CFAP299: variants seen among roughly 807,000 people sequenced by gnomAD.
CFAP299 encodes cilia- and flagella-associated protein 299.
CFAP299 carries 21 observed loss-of-function variants against 27.0 expected under a neutral mutation model. The ratio of observed to expected loss-of-function variants is 0.78; its 90% CI spans 0.55 to 1.12. The LOEUF (loss-of-function observed/expected upper bound fraction) is 1.12, where lower values mean the gene tolerates loss of function less well. Ranked by LOEUF, CFAP299 falls within the 50% of genes most tolerant of loss-of-function variation. CFAP299 has a pLI of 0.00. For synonymous variants in CFAP299, 104 were observed against 98.1 expected (o/e 1.06, Z -0.36); for missense variants, 310 against 276.6 (o/e 1.12, Z -0.86).
Position 80,920,726 on chromosome 4 carries a change from G to A in CFAP299, c.477-24084G>A, listed in dbSNP as rs577090281. ...CAGTGACCACTTCCTGCAACTGGAA[G>A]GGGTAAGCTCTGGTCTCTGTTTCTA... On this transcript the variant is annotated intron_variant, in intron 4 of 5. Coordinates refer to ENST00000358105, the MANE Select transcript of CFAP299 (RefSeq NM_152770.3). 2.1e-4 allele frequency among the ~76,000 whole-genome samples: 32 copies of A among 152,228 alleles called. 1 individual carries two copies. The South Asian group carries it at 5.0e-3, about 24-fold the overall frequency.
At chr4:80,416,390 G>C (rs924336837) in intron 2 of CFAP299, among the ~76,000 whole-genome samples, 1 of 151,984 alleles carries the variant, frequency 6.6e-6, no homozygotes, top group African/African-American at 2.4e-5. Flanking sequence ...AAGACCTACT[G>C]TCCTCTCCTC....
At chr4:80,921,549 G>C (rs2110211297) in intron 4 of CFAP299, among the ~76,000 whole-genome samples, 1 of 152,174 alleles carries the variant, frequency 6.6e-6, no homozygotes, top group East Asian at 1.9e-4. Context: ...CAGTAGTTCA[G>C]GGTTGCTTTA....
intron 4 of CFAP299, among the ~76,000 whole-genome samples, chr4:80,941,036 G>T (rs1479879843): frequency 1.3e-5 from 2 of 152,098 alleles, no homozygotes; most frequent in Admixed American, 1.3e-4. Context: ...GAATACCCAA[G>T]TCCTTGATAT....
At chr4:80,420,186 G>A (rs1484765870) in intron 2 of CFAP299, 1 of 455,892 alleles carries the variant, frequency 2.2e-6, no homozygotes, top group Non-Finnish European at 4.4e-6. Flanking sequence ...GGGAATAGAT[G>A]GTAAATGTTT....
intron 2 of CFAP299, among the ~76,000 whole-genome samples, chr4:80,443,569 A>G (rs2110088984): frequency 6.6e-6 from 1 of 152,332 alleles, no homozygotes; most frequent in African/African-American, 2.4e-5. Context: ...CCCACAGCCA[A>G]TATCATACTG....
At chr4:80,877,409 T>C (rs1322597130) in intron 4 of CFAP299, among the ~76,000 whole-genome samples, 1 of 152,122 alleles carries the variant, frequency 6.6e-6, no homozygotes, top group Non-Finnish European at 1.5e-5. Flanking sequence ...CTTACTAGAG[T>C]ATCTGTCTGT....
chr4:80,920,514 T>C (rs1472742572), intron 4 of CFAP299, among the ~76,000 whole-genome samples: 6 of 152,286 alleles, frequency 3.9e-5, no homozygotes, highest in Non-Finnish European at 8.8e-5. Flanking sequence ...TGCTCTTTCG[T>C]CTTCTAATTC....
chr4:80,447,237 G>A (rs1728681438), intron 2 of CFAP299, among the ~76,000 whole-genome samples: 2 of 137,484 alleles, frequency 1.5e-5, no homozygotes, highest in African/African-American at 2.7e-5. Context: ...CCGGGTTCAC[G>A]CCATTCTCCT....
chr4:80,798,622 A>G (rs1042484361), intron 3 of CFAP299, among the ~76,000 whole-genome samples: 2 of 152,034 alleles, frequency 1.3e-5, no homozygotes, highest in Non-Finnish European at 2.9e-5. Flanking sequence ...TCTACAGGAG[A>G]TAAGATTCCA....
chr4:80,507,748 T>C (rs1234301146), intron 2 of CFAP299, among the ~76,000 whole-genome samples: 1 of 152,140 alleles, frequency 6.6e-6, no homozygotes, highest in Non-Finnish European at 1.5e-5. Flanking sequence ...TCTTACACCC[T>C]GAATACACTA....
At chr4:80,354,507 G>A (rs1723164633) in intron 1 of CFAP299, among the ~76,000 whole-genome samples, 1 of 151,980 alleles carries the variant, frequency 6.6e-6, no homozygotes, top group Admixed American at 6.6e-5. Flanking sequence ...GATTTTTAAA[G>A]CATATATATG....
chr4:80,495,623 C>T (rs548523385), intron 2 of CFAP299, among the ~76,000 whole-genome samples: 2 of 152,140 alleles, frequency 1.3e-5, no homozygotes, highest in Admixed American at 1.3e-4. Flanking sequence ...ACAACACAAA[C>T]CCTATCTCTA....
At chr4:80,408,156 C>T (rs994527186) in intron 2 of CFAP299, among the ~76,000 whole-genome samples, 4 of 152,180 alleles carry the variant, frequency 2.6e-5, no homozygotes, top group African/African-American at 7.2e-5. Context: ...ACATGCTGTA[C>T]ACTGGAATAC....
intron 3 of CFAP299, among the ~76,000 whole-genome samples, chr4:80,806,972 A>G (rs1341161513): frequency 6.6e-6 from 1 of 152,174 alleles, no homozygotes; most frequent in Non-Finnish European, 1.5e-5. Flanking sequence ...TATATTAAGT[A>G]TGCTTTGAAA....
chr4:80,891,405 C>T (rs925710485), intron 4 of CFAP299, among the ~76,000 whole-genome samples: 8 of 151,440 alleles, frequency 5.3e-5, no homozygotes, highest in Admixed American at 1.3e-4. Context: ...GAAAATGTGG[C>T]ACATATACAC....
At chr4:80,679,599 A>T (rs191441464) in intron 3 of CFAP299, among the ~76,000 whole-genome samples, 2,813 of 150,044 alleles carry the variant, frequency 0.019, 45 homozygotes, top group Non-Finnish European at 0.026. Context: ...TCACTTTTTT[A>T]AAAAAAATGG....
At chr4:80,945,882 G>A (rs568957384) in intron 5 of CFAP299, among the ~76,000 whole-genome samples, 8 of 151,992 alleles carry the variant, frequency 5.3e-5, no homozygotes, top group African/African-American at 1.2e-4. Flanking sequence ...GGCCAGGCGC[G>A]GTGGCTCACA....
chr4:80,681,438 A>C (rs906189580), intron 3 of CFAP299, among the ~76,000 whole-genome samples: 17 of 151,482 alleles, frequency 1.1e-4, no homozygotes, highest in African/African-American at 2.4e-4. Context: ...AAAAAAAAAA[A>C]CTGAGAAATC....
intron 3 of CFAP299, among the ~76,000 whole-genome samples, chr4:80,773,031 A>G (rs1726313343): frequency 6.6e-6 from 1 of 152,178 alleles, no homozygotes; most frequent in African/African-American, 2.4e-5. Flanking sequence ...ATGCAGCCAT[A>G]AGAAAGAATG....
Sources: gnomAD v4.1 joint callset for allele counts (sites outside exome capture counted in the v4.1 genomes callset) on GRCh38, gnomAD v4.1.1 for gene constraint, MANE v1.5 for transcripts, NCBI Gene and HGNC (gene_info 2026-07-23, HGNC 2026-07-21) for gene names.